Variants in ARPC1A observed in about 807,000 individuals in gnomAD.
ARPC1A encodes the protein actin-related protein 2/3 complex subunit 1A.
ARPC1A carries 8 observed loss-of-function variants against 46.9 expected under a neutral mutation model. The ratio of observed to expected loss-of-function variants is 0.17; its 90% CI spans 0.10 to 0.31. The LOEUF is 0.31. Among genes scored for constraint, ARPC1A ranks in the 10% least tolerant of loss-of-function variants. The pLI, the probability that ARPC1A is intolerant of heterozygous loss-of-function variation, is 1.00. For missense variants in ARPC1A, 286 were observed against 483.6 expected (o/e 0.59, Z 3.83); for synonymous variants, 152 against 169.0 (o/e 0.90, Z 0.78).
At chr7:99,344,176 TG>T (rs1390106931) in intron 3 of ARPC1A, 116 bp from the exon 4 acceptor site, 1 of 862,084 alleles carries the variant, frequency 1.2e-6, no homozygotes, top group Non-Finnish European at 1.8e-6. Flanking sequence ...AGGATGTGCC[TG>T]GGAGGAAGGT....
intron 1 of ARPC1A, among the ~76,000 whole-genome samples, chr7:99,328,725 A>G (rs962937889): frequency 6.6e-6 from 1 of 151,944 alleles, no homozygotes; most frequent in African/African-American, 2.4e-5. Context: ...TGAAGTGGGC[A>G]GATCACTTGA....
At chr7:99,336,017 T>C (rs1584375923) in intron 2 of ARPC1A, among the ~76,000 whole-genome samples, 1 of 151,738 alleles carries the variant, frequency 6.6e-6, no homozygotes, top group East Asian at 1.9e-4. Flanking sequence ...AGCAGGACAG[T>C]GAATTTAGAG....
chr7:99,345,979 C>T (rs140562132), intron 4 of ARPC1A, among the ~76,000 whole-genome samples: 57 of 152,074 alleles, frequency 3.7e-4, no homozygotes, highest in Non-Finnish European at 7.2e-4. Flanking sequence ...TTTGGGAGGC[C>T]GAGGCAGGTG....
At chr7:99,365,800 G>C in intron 9 of ARPC1A, 91 bp from the exon 10 acceptor site, 1 of 1,387,810 alleles carries the variant, frequency 7.2e-7, no homozygotes, top group Non-Finnish European at 1.0e-6. Context: ...GGGACAGGCA[G>C]AACCTTCCCT....
At chr7:99,338,469 T>TC (rs1167429779) in intron 3 of ARPC1A, among the ~76,000 whole-genome samples, 184 bp downstream of exon 3, 1 of 133,468 alleles carries the variant, frequency 7.5e-6, no homozygotes. Context: ...CACTGCAACC[T>TC]CCACCTCCCG....
In ARPC1A at chr7:99,358,536, CTTTTTTTTTT is replaced by C; in HGVS notation, c.789+134_789+143del. 9.4e-6 allele frequency: 3 copies of C among 318,686 alleles called. No individual in the cohort carries two copies. In the African/African-American group the frequency reaches 1.1e-4, roughly 12 times the overall value. 19.7% of individuals were successfully genotyped at this position (318,686 alleles called of 1,614,324 possible). ...AGTTTTTTAGAAGAAACAGAGCTCA[CTTTTTTTTTT>C]TTTTTTTTTTTTGAGATGGAGTTTT... On this transcript the variant is annotated intron_variant, in intron 7 of 9. Coordinates refer to ENST00000262942, the MANE Select transcript of ARPC1A (RefSeq NM_006409.4).
chr7:99,353,168 GTTATT>G (rs1469861771), intron 5 of ARPC1A, among the ~76,000 whole-genome samples: 1 of 133,078 alleles, frequency 7.5e-6, no homozygotes, highest in Admixed American at 7.9e-5. Context: ...GTTATGTTAT[GTTATT>G]TTAGAGACGG....
chr7:99,353,490 T>TTATG (rs1793580942), intron 5 of ARPC1A, among the ~76,000 whole-genome samples: 1 of 146,282 alleles, frequency 6.8e-6, no homozygotes, highest in Admixed American at 6.8e-5. Context: ...ATTTATTTAT[T>TTATG]TATTGAGAAG....
At chr7:99,351,545 A>T (rs1479755846) in intron 5 of ARPC1A, among the ~76,000 whole-genome samples, 1 of 152,096 alleles carries the variant, frequency 6.6e-6, no homozygotes, top group Non-Finnish European at 1.5e-5. Context: ...GGTCTGTCCC[A>T]TTTGTGTTCC....
intron 1 of ARPC1A, among the ~76,000 whole-genome samples, chr7:99,330,471 T>C (rs1224670656): frequency 6.6e-6 from 1 of 152,182 alleles, no homozygotes; most frequent in East Asian, 1.9e-4. Context: ...CCTGCCACCA[T>C]GCCCGTCTGA....
chr7:99,354,307 G>C (rs1473152649), intron 6 of ARPC1A, among the ~76,000 whole-genome samples, 186 bp downstream of exon 6: 1 of 151,904 alleles, frequency 6.6e-6, no homozygotes, highest in Non-Finnish European at 1.5e-5. Context: ...TGGATCACAA[G>C]GTCAGCAGTT....
At chr7:99,349,026 G>A (rs1793507142) in intron 5 of ARPC1A, 67 bp downstream of exon 5, 6 of 1,450,326 alleles carry the variant, frequency 4.1e-6, no homozygotes, top group Non-Finnish European at 5.8e-6. Context: ...ATAATTTTAG[G>A]TTCTCTTTCT....
At chr7:99,347,210 C>T (rs1249445734) in intron 4 of ARPC1A, among the ~76,000 whole-genome samples, 1 of 152,106 alleles carries the variant, frequency 6.6e-6, no homozygotes, top group East Asian at 1.9e-4. Context: ...GTTGGGACTA[C>T]AGGTTTGCAC....
At chr7:99,326,357 T>G (rs957132723) in intron 1 of ARPC1A, among the ~76,000 whole-genome samples, 2 of 152,230 alleles carry the variant, frequency 1.3e-5, no homozygotes, top group Admixed American at 1.3e-4. Flanking sequence ...CCCGCGGGAC[T>G]ATTCATCTCT....
At chr7:99,364,593 A>G (rs1433537215) in intron 9 of ARPC1A, among the ~76,000 whole-genome samples, 2 of 151,966 alleles carry the variant, frequency 1.3e-5, no homozygotes, top group Non-Finnish European at 2.9e-5. Flanking sequence ...TAAAACCTAA[A>G]AGTCATCCGC....
chr7:99,354,010 G>T lies in ARPC1A; in HGVS notation c.602G>T (p.Ser201Ile), dbSNP rs1793590940. ...FGQLMSEFGGSGTGGWVHGVS... is the reference protein window; with the variant it reads ...FGQLMSEFGGIGTGGWVHGVS... Reference sequence around the variant, plus strand: ...CAGCTGATGTCAGAGTTTGGTGGCAGTGGCACTGGTGGCTGGGTCCACGGG... The same window carrying T: ...CAGCTGATGTCAGAGTTTGGTGGCATTGGCACTGGTGGCTGGGTCCACGGG... Residue 201 changes from serine (S) to isoleucine (I), a missense_variant, in exon 6 of 10, where the codon AGT becomes ATT. Transcript: ENST00000262942. 3 of 1,614,044 alleles carry T rather than the reference G, an allele frequency of 1.9e-6. No individual in the cohort carries two copies. Among genetic ancestry groups the T allele is most frequent in the Non-Finnish European group, 2.5e-6 (3 of 1,179,906 alleles).
intron 9 of ARPC1A, among the ~76,000 whole-genome samples, chr7:99,363,902 C>A (rs1793781840): frequency 6.6e-6 from 1 of 152,056 alleles, no homozygotes; most frequent in Non-Finnish European, 1.5e-5. Flanking sequence ...AATGTTAAAT[C>A]TAGTATACAG....
Position 99,338,170 on chromosome 7 carries a change from T to C in ARPC1A, c.65-11T>C, listed in dbSNP as rs777130108. The C allele has an allele frequency of 6.3e-7, 1 of 1,587,804 alleles. No homozygotes were observed. Among genetic ancestry groups the C allele is most frequent in the Non-Finnish European group, 8.6e-7 (1 of 1,157,060 alleles). ...TTCAGGTGTTAACTGTTGTTTGACT[T>C]GTGTCTCCAGAGATTGCCCTCAGTC... On this transcript the variant is annotated splice_polypyrimidine_tract_variant and intron_variant, in intron 2 of 9. Coordinates refer to ENST00000262942, the MANE Select transcript of ARPC1A (RefSeq NM_006409.4).
intron 8 of ARPC1A, among the ~76,000 whole-genome samples, chr7:99,362,564 G>A (rs1016530307): frequency 1.7e-4 from 25 of 146,860 alleles, no homozygotes; most frequent in African/African-American, 5.8e-4. Context: ...GGATGGTCTC[G>A]ATCTCCTGAC....
Sources: allele counts gnomAD v4.1 joint callset (sites outside exome capture counted in the v4.1 genomes callset), GRCh38; gene constraint gnomAD v4.1.1; transcripts MANE v1.5; gene names NCBI Gene and HGNC (gene_info 2026-07-23, HGNC 2026-07-21).